SPDYA: variants seen among roughly 807,000 people sequenced by gnomAD.
SPDYA encodes speedy/RINGO cell cycle regulator family member A.
SPDYA carries 11 observed loss-of-function variants against 36.7 expected under a neutral mutation model. That is an observed-to-expected ratio of 0.30 (90% CI 0.19 to 0.50). The LOEUF is 0.50. Among genes scored for constraint, SPDYA ranks in the 20% least tolerant of loss-of-function variants. SPDYA has a pLI of 0.98. For missense variants in SPDYA, 287 were observed against 370.9 expected (o/e 0.77, Z 1.86); for synonymous variants, 115 against 118.7 (o/e 0.97, Z 0.20).
chr2:28,816,162 A>G lies in SPDYA; in HGVS notation c.148A>G (p.Thr50Ala). 4 of 1,614,100 alleles carry G rather than the reference A, an allele frequency of 2.5e-6. No homozygotes were observed. The highest frequency in any genetic ancestry group is 3.4e-6 in the Non-Finnish European group (4 of 1,179,984). Residue 50 changes from threonine (T) to alanine (A), a missense_variant, in exon 3 of 8, where the codon ACA becomes GCA. Physicochemically the swap from Thr to Ala is moderately conservative, Grantham distance 58 (BLOSUM62 0). Transcript: ENST00000334056. ...KDNWQAFEKN[T>A]HNNNKSKRPK... ...TAATTGGCAAGCATTTGAAAAAAAT[A>G]CACATAATAACAACAAATCTAAACG...
intron 5 of SPDYA, among the ~76,000 whole-genome samples, chr2:28,828,113 A>G (rs1668377669): frequency 6.6e-6 from 1 of 151,366 alleles, no homozygotes; most frequent in Non-Finnish European, 1.5e-5. Context: ...CAGCCTCCCA[A>G]GTAGCTGGGA....
rs182004564 is a variant in SPDYA at position 28,823,494 on chromosome 2, G to A, written c.380+1084G>A. ...CACAAGTTAGCTGGGCGTGGTGGTG[G>A]GCACCTATAATCCCAGCTACTCGGT... is the stretch of plus-strand genomic sequence containing the variant. On this transcript the variant is annotated intron_variant, in intron 5 of 7. Transcript: ENST00000334056. Among the ~76,000 whole-genome samples the A allele has an allele frequency of 2.7e-3, 411 of 150,380 alleles. 4 individuals are homozygous for A. The highest frequency in any genetic ancestry group is 9.5e-3 in the African/African-American group (388 of 41,016).
intron 7 of SPDYA, among the ~76,000 whole-genome samples, chr2:28,846,170 T>C (rs1307511809): frequency 6.6e-6 from 1 of 152,072 alleles, no homozygotes; most frequent in Non-Finnish European, 1.5e-5. Flanking sequence ...TTTGGGAGGC[T>C]GAAGCGGGCA....
At chr2:28,825,878 C>G (rs1385826168) in intron 5 of SPDYA, among the ~76,000 whole-genome samples, 2 of 151,894 alleles carry the variant, frequency 1.3e-5, no homozygotes, top group Non-Finnish European at 2.9e-5. Flanking sequence ...GCTGGGACCA[C>G]AGGCACATAG....
intron 2 of SPDYA, among the ~76,000 whole-genome samples, chr2:28,815,713 A>G (rs548227965): frequency 6.6e-6 from 1 of 152,314 alleles, no homozygotes; most frequent in East Asian, 1.9e-4. Context: ...CATCATTTCT[A>G]TAATTAACTT....
rs139236222 is a variant in SPDYA at position 28,841,410 on chromosome 2, A to G, written c.850+941A>G. Among the ~76,000 whole-genome samples the G allele has an allele frequency of 2.5e-3, 387 of 152,292 alleles. 4 individuals are homozygous for G. The highest frequency in any genetic ancestry group is 8.8e-3 in the African/African-American group (365 of 41,568). On this transcript the variant is annotated intron_variant, in intron 7 of 7. Coordinates refer to ENST00000334056, the MANE Select transcript of SPDYA (RefSeq NM_182756.4). ...TCAAATTATTTTTATATATAGTATT[A>G]TCTGACATTTCTTTTCTAGAAATGT...
At chr2:28,820,476 C>T (rs888951901) in intron 4 of SPDYA, among the ~76,000 whole-genome samples, 5 of 151,900 alleles carry the variant, frequency 3.3e-5, no homozygotes, top group African/African-American at 9.7e-5. Context: ...GTCCCAGCTA[C>T]TCGGGAGGCT....
intron 7 of SPDYA, among the ~76,000 whole-genome samples, chr2:28,847,195 T>C (rs1668898987): frequency 6.6e-6 from 1 of 151,730 alleles, no homozygotes; most frequent in Non-Finnish European, 1.5e-5. Flanking sequence ...ATACAAAAAT[T>C]AGCCAGGCGT....
intron 7 of SPDYA, chr2:28,840,690 GA>G: frequency 1.6e-6 from 2 of 1,283,160 alleles, no homozygotes; most frequent in South Asian, 4.6e-5. Flanking sequence ...ATGTTAAGTT[GA>G]AAACTAATGC....
intron 6 of SPDYA, among the ~76,000 whole-genome samples, chr2:28,838,469 C>T (rs994462581): frequency 1.3e-5 from 2 of 152,130 alleles, no homozygotes; most frequent in African/African-American, 4.8e-5. Flanking sequence ...GTGTGAGCCA[C>T]TGCACCTGCC....
intron 6 of SPDYA, among the ~76,000 whole-genome samples, chr2:28,838,875 TA>T (rs1323574094): frequency 6.6e-6 from 1 of 152,202 alleles, no homozygotes; most frequent in Admixed American, 6.5e-5. Flanking sequence ...CTGGACTTTC[TA>T]AATGTTTTGA....
At chr2:28,825,350 T>TAG (rs1656892434) in intron 5 of SPDYA, among the ~76,000 whole-genome samples, 1 of 152,218 alleles carries the variant, frequency 6.6e-6, no homozygotes, top group Non-Finnish European at 1.5e-5. Context: ...TTATTACCAG[T>TAG]AGAGCACTAT....
At chr2:28,831,817 C>T (rs918029942) in intron 6 of SPDYA, among the ~76,000 whole-genome samples, 1 of 152,140 alleles carries the variant, frequency 6.6e-6, no homozygotes, top group Non-Finnish European at 1.5e-5. Context: ...TACATGCGTA[C>T]CCCTATATTC....
chr2:28,823,754 T>A, intron 5 of SPDYA, among the ~76,000 whole-genome samples: 1 of 115,398 alleles, frequency 8.7e-6, no homozygotes, highest in African/African-American at 3.1e-5. Flanking sequence ...TAAAATTTTT[T>A]TTTTTTTTTG....
At position 28,850,301 on chromosome 2, in the gene SPDYA, T is replaced by G; in HGVS notation, c.*360T>G. The G allele has an allele frequency of 6.2e-7, 1 of 1,603,070 alleles. No homozygotes were observed. Among genetic ancestry groups the G allele is most frequent in the South Asian group, 1.1e-5 (1 of 89,966 alleles). On this transcript the variant is annotated 3_prime_UTR_variant, in exon 8 of 8. Coordinates refer to ENST00000334056, the MANE Select transcript of SPDYA (RefSeq NM_182756.4). ...TATTAATTAAAAGAAAAAACACCAT[T>G]TAATATGTTCTGAAAACATTACTCA...
chr2:28,843,465 G>A (rs371020807), intron 7 of SPDYA, among the ~76,000 whole-genome samples: 27 of 151,092 alleles, frequency 1.8e-4, no homozygotes, highest in African/African-American at 6.3e-4. Flanking sequence ...CAGGAGAATC[G>A]CTTGAACCTG....
chr2:28,849,954 A>T lies in SPDYA; in HGVS notation c.*13A>T. The T allele has an allele frequency of 6.4e-7, 1 of 1,556,516 alleles. No individual in the cohort carries two copies. Among genetic ancestry groups the T allele is most frequent in the Non-Finnish European group, 8.7e-7 (1 of 1,145,780 alleles). On this transcript the variant is annotated 3_prime_UTR_variant, in exon 8 of 8. Coordinates refer to ENST00000334056, the MANE Select transcript of SPDYA (RefSeq NM_182756.4). ...AAGTGAAGAATGAGATGGCCCAACT[A>T]AACCAATTTGGAATCATTAACTACA...
chr2:28,816,842 C>G (rs1667993568), intron 3 of SPDYA, among the ~76,000 whole-genome samples: 1 of 146,976 alleles, frequency 6.8e-6, no homozygotes, highest in African/African-American at 2.5e-5. Context: ...TACTGTACTC[C>G]TAACTAGGAA....
chr2:28,812,240 ATATTCT>A lies in SPDYA; in HGVS notation c.-93+1294_-93+1299del, dbSNP rs1667864418. 2.6e-5 allele frequency among the ~76,000 whole-genome samples: 4 copies of A among 152,182 alleles called. No homozygotes were observed. In the South Asian group the frequency reaches 8.3e-4, roughly 31 times the overall value. On this transcript the variant is annotated intron_variant, in intron 1 of 7. Transcript: ENST00000334056. ...TAACACATTCATCAGTGTCTGGCAC[ATATTCT>A]CTGTGTGTGACTGCATTCATAAGGA...
Sources: gnomAD v4.1 joint callset for allele counts (sites outside exome capture counted in the v4.1 genomes callset) on GRCh38, gnomAD v4.1.1 for gene constraint, MANE v1.5 for transcripts, NCBI Gene and HGNC (gene_info 2026-07-23, HGNC 2026-07-21) for gene names.